Variants in OXCT1 observed in about 807,000 individuals in gnomAD.
The protein encoded by OXCT1 is 3-oxoacid CoA-transferase 1, also known as succinyl-CoA:3-ketoacid coenzyme A transferase 1, mitochondrial.
Under a neutral mutation model 69.6 loss-of-function variants are expected in OXCT1, and 27 were observed. That is an observed-to-expected ratio of 0.39 (90% CI 0.29 to 0.54). The LOEUF (loss-of-function observed/expected upper bound fraction) is 0.54. Ranked by LOEUF, OXCT1 falls within the 20% of genes least tolerant of loss-of-function variation. The probability of loss-of-function intolerance (pLI) is 0.72; values close to 1 mark genes in which losing one functional copy is unlikely to be tolerated. For synonymous variants in OXCT1, 202 were observed against 217.8 expected, an observed-to-expected ratio of 0.93 and a Z score of 0.64; for missense variants, 437 against 650.2, an observed-to-expected ratio of 0.67 and a Z score of 3.57.
intron 9 of OXCT1, among the ~76,000 whole-genome samples, chr5:41,804,913 A>C (rs370814967): frequency 2.6e-5 from 4 of 152,174 alleles, no homozygotes; most frequent in African/African-American, 9.6e-5. Flanking sequence ...CTGTATTTGT[A>C]TGTGTTATTT....
intron 2 of OXCT1, 138 bp downstream of exon 2, chr5:41,862,504 A>T: frequency 1.7e-6 from 1 of 602,834 alleles, no homozygotes; most frequent in Non-Finnish European, 3.0e-6. Context: ...AATAAAATAG[A>T]TGATATTATA....
In OXCT1 at chr5:41,803,056, A is replaced by G. The variant is rs1334496744; in HGVS notation, c.1050+13T>C. The stretch of plus-strand genomic sequence containing the variant: ...ATTAAGACTGGATTTTAGAAAACAA[A>G]TTTTCATCTTACCAAACCCAGAACT... On this transcript the variant is annotated intron_variant, in intron 10 of 16. Coordinates refer to ENST00000196371, the MANE Select transcript of OXCT1 (RefSeq NM_000436.4). 1 of 1,579,586 alleles carries G rather than the reference A, an allele frequency of 6.3e-7. No individual in the cohort carries two copies. Among genetic ancestry groups the G allele is most frequent in the Admixed American group, 1.7e-5 (1 of 59,870 alleles).
chr5:41,788,814 C>A (rs1034689275), intron 13 of OXCT1, among the ~76,000 whole-genome samples: 1 of 152,220 alleles, frequency 6.6e-6, no homozygotes, highest in South Asian at 2.1e-4. Flanking sequence ...CTGTACCCAA[C>A]AAGAGCAGAA....
chr5:41,789,893 A>G lies in OXCT1; in HGVS notation c.1248+4110T>C, dbSNP rs150983487. 6.2e-3 allele frequency among the ~76,000 whole-genome samples: 943 copies of G among 152,330 alleles called. 10 individuals carry two copies. Among genetic ancestry groups the G allele is most frequent in the African/African-American group, 0.022 (899 of 41,566 alleles). On this transcript the variant is annotated intron_variant, in intron 13 of 16. Coordinates refer to ENST00000196371, the MANE Select transcript of OXCT1 (RefSeq NM_000436.4). The stretch of plus-strand genomic sequence containing the variant: ...AACACAAACCCCCTTGTAGTTTTAT[A>G]ACCAGGAATACTAGTGACTTAACTT...
intron 13 of OXCT1, among the ~76,000 whole-genome samples, chr5:41,786,110 A>G (rs1240983554): frequency 6.6e-6 from 1 of 152,182 alleles, no homozygotes; most frequent in African/African-American, 2.4e-5. Flanking sequence ...TCCACCGGTA[A>G]GAGTCTATAT....
At chr5:41,840,108 T>G (rs1037727094) in intron 7 of OXCT1, among the ~76,000 whole-genome samples, 7 of 152,242 alleles carry the variant, frequency 4.6e-5, no homozygotes, top group Non-Finnish European at 1.5e-5. Flanking sequence ...GAACTTCTTC[T>G]GACACATTTA....
chr5:41,859,554 T>C (rs1023654148), intron 3 of OXCT1, among the ~76,000 whole-genome samples: 1 of 152,138 alleles, frequency 6.6e-6, no homozygotes, highest in Non-Finnish European at 1.5e-5. Flanking sequence ...GGAGGACTTC[T>C]GTAGTTACAT....
chr5:41,759,256 C>A (rs995741161), intron 14 of OXCT1, among the ~76,000 whole-genome samples: 5 of 151,982 alleles, frequency 3.3e-5, no homozygotes, highest in Admixed American at 6.6e-5. Context: ...CTTCTTAATA[C>A]CCATATCTCA....
At chr5:41,750,135 G>GTTTTTTTTTTTTTATTTTTTTTT (rs1743699206) in intron 14 of OXCT1, among the ~76,000 whole-genome samples, 1 of 73,924 alleles carries the variant, frequency 1.4e-5, no homozygotes, top group Admixed American at 1.7e-4. Context: ...GTGTTTTTTG[G>GTTTTTTTTTTTTTATTTTTTTTT]TTTTTTTTTT....
chr5:41,830,395 G>A (rs543462198), intron 7 of OXCT1, among the ~76,000 whole-genome samples: 45 of 152,310 alleles, frequency 3.0e-4, no homozygotes, highest in Non-Finnish European at 5.6e-4. Context: ...TCAACTGGCT[G>A]ATGTGAGTAG....
At chr5:41,821,640 T>A (rs1747556631) in intron 7 of OXCT1, among the ~76,000 whole-genome samples, 1 of 152,236 alleles carries the variant, frequency 6.6e-6, no homozygotes, top group Non-Finnish European at 1.5e-5. Flanking sequence ...CTTTTAGCCA[T>A]TCTAATAGGT....
At chr5:41,828,546 ATC>A (rs1437604136) in intron 7 of OXCT1, among the ~76,000 whole-genome samples, 2 of 152,194 alleles carry the variant, frequency 1.3e-5, no homozygotes, top group East Asian at 3.8e-4. Context: ...TTAATGTCAG[ATC>A]TATTGACAGA....
Position 41,809,446 on chromosome 5 carries a change from C to A in OXCT1, c.733-2008G>T, listed in dbSNP as rs568674138. 1.3e-3 allele frequency among the ~76,000 whole-genome samples: 192 copies of A among 152,048 alleles called. 2 individuals carry two copies. Among genetic ancestry groups the A allele is most frequent in the Middle Eastern group, 6.8e-3 (2 of 294 alleles). ...TCTAAGAAAAACTGAAGTTTCTAAA[C>A]CCTAAAAGCAGTCACATTATGAACT... On this transcript the variant is annotated intron_variant, in intron 7 of 16. Transcript: ENST00000196371.
chr5:41,841,265 A>G (rs1579853679), intron 6 of OXCT1, among the ~76,000 whole-genome samples: 1 of 152,328 alleles, frequency 6.6e-6, no homozygotes, highest in East Asian at 1.9e-4. Context: ...ATGTTTTACT[A>G]GCTCTTTTGA....
At chr5:41,794,431 G>A (rs151131435) in intron 12 of OXCT1, 12 of 600,074 alleles carry the variant, frequency 2.0e-5, no homozygotes, top group East Asian at 5.5e-5. Flanking sequence ...CCTTAGAAAT[G>A]TTTATTTCAG....
intron 1 of OXCT1, among the ~76,000 whole-genome samples, chr5:41,867,027 G>A (rs1299405693): frequency 6.6e-6 from 1 of 152,198 alleles, no homozygotes; most frequent in Non-Finnish European, 1.5e-5. Flanking sequence ...GCAGACTGAG[G>A]CAGTTTGTAA....
intron 15 of OXCT1, among the ~76,000 whole-genome samples, chr5:41,741,817 T>C (rs1268425252): frequency 6.6e-6 from 1 of 152,224 alleles, no homozygotes; most frequent in Non-Finnish European, 1.5e-5. Flanking sequence ...AAAAAGTTTT[T>C]TGGCAGAAAT....
intron 7 of OXCT1, among the ~76,000 whole-genome samples, chr5:41,808,294 AACAGAT>A (rs1393818800): frequency 6.6e-6 from 1 of 152,092 alleles, no homozygotes. Flanking sequence ...TACTCAGCTT[AACAGAT>A]ACAGTGTCCA....
At chr5:41,798,883 G>A (rs1273230023) in intron 11 of OXCT1, among the ~76,000 whole-genome samples, 3 of 152,138 alleles carry the variant, frequency 2.0e-5, no homozygotes, top group African/African-American at 4.8e-5. Flanking sequence ...AAAAAGGCCA[G>A]GGGTCACAAG....
Sources: gnomAD v4.1 joint callset for allele counts (sites outside exome capture counted in the v4.1 genomes callset) on GRCh38, gnomAD v4.1.1 for gene constraint, MANE v1.5 for transcripts, NCBI Gene and HGNC (gene_info 2026-07-23, HGNC 2026-07-21) for gene names.